The following CDH18 variants were observed in gnomAD, a reference collection of about 807,000 sequenced individuals.
CDH18 encodes the protein cadherin 18.
A neutral mutation model predicts 67.9 loss-of-function variants in CDH18; 31 were observed. That is an observed-to-expected ratio of 0.46 (90% CI 0.34 to 0.62). The LOEUF is 0.62. Among genes scored for constraint, CDH18 ranks in the 20% least tolerant of loss-of-function variants. The pLI is 0.01. For missense variants in CDH18, 890 were observed against 975.5 expected (o/e 0.91, Z 1.17); for synonymous variants, 362 against 347.2 (o/e 1.04, Z -0.48).
chr5:20,495,462 G>A (rs1039333496), intron 1 of CDH18, among the ~76,000 whole-genome samples: 1 of 152,090 alleles, frequency 6.6e-6, no homozygotes, highest in African/African-American at 2.4e-5. Flanking sequence ...AAATGATAAT[G>A]CTATAGTAAT....
At chr5:19,829,894 C>T (rs1449232847) in intron 3 of CDH18, among the ~76,000 whole-genome samples, 1 of 152,008 alleles carries the variant, frequency 6.6e-6, no homozygotes, top group African/African-American at 2.4e-5. Context: ...ACATACCTAC[C>T]AACATCTGAC....
chr5:20,056,139 G>A (rs1741888336), intron 2 of CDH18, among the ~76,000 whole-genome samples: 2 of 150,646 alleles, frequency 1.3e-5, no homozygotes, highest in African/African-American at 2.4e-5. Context: ...CTAGTAGCTG[G>A]AACTACAGGC....
rs189297240 is a variant in CDH18 at position 19,487,304 on chromosome 5, A to T, written c.1631-3752T>A. On this transcript the variant is annotated intron_variant, in intron 11 of 12. Coordinates refer to ENST00000382275, the MANE Select transcript of CDH18 (RefSeq NM_004934.5). ...TCTACAGAGCTGTCAAACAAGCTAAACAATCTGAGAGCATTCAATAAAGAT... is the reference window on the plus strand; with the variant it reads ...TCTACAGAGCTGTCAAACAAGCTAATCAATCTGAGAGCATTCAATAAAGAT... 2.8e-4 allele frequency among the ~76,000 whole-genome samples: 42 copies of T among 152,318 alleles called. No individual in the cohort carries two copies. The East Asian group carries it at 6.9e-3, about 25-fold the overall frequency.
intron 1 of CDH18, among the ~76,000 whole-genome samples, chr5:20,478,685 C>G (rs1413997729): frequency 6.6e-6 from 1 of 151,952 alleles, no homozygotes; most frequent in Non-Finnish European, 1.5e-5. Flanking sequence ...AGCTCACCAC[C>G]CTGAAGGGTA....
chr5:19,721,254 T>C, intron 5 of CDH18, 93 bp downstream of exon 5: 2 of 1,164,980 alleles, frequency 1.7e-6, no homozygotes, highest in South Asian at 2.1e-5. Flanking sequence ...AATCACATCA[T>C]CTAATGGAAA....
intron 1 of CDH18, among the ~76,000 whole-genome samples, chr5:20,410,950 A>T (rs1359896990): frequency 6.6e-6 from 1 of 151,998 alleles, no homozygotes; most frequent in Non-Finnish European, 1.5e-5. Flanking sequence ...GATGAAAGAA[A>T]TTAAAGATGA....
chr5:19,782,949 T>A (rs1333711060), intron 3 of CDH18, among the ~76,000 whole-genome samples: 1 of 152,346 alleles, frequency 6.6e-6, no homozygotes, highest in Non-Finnish European at 1.5e-5. Context: ...TATTTGTGGA[T>A]ATAAAGTATT....
chr5:20,522,624 T>A lies in CDH18; in HGVS notation c.-580+52838A>T, dbSNP rs553760772. ...TTAATGTGAGGCAGTAGTAGAGACA[T>A]CTGAAATGTTAGCTCCCTTCCTAAA... On this transcript the variant is annotated intron_variant, in intron 1 of 14. Transcript: ENST00000507958. Among the ~76,000 whole-genome samples the A allele has an allele frequency of 5.3e-5, 8 of 152,282 alleles. No individual in the cohort carries two copies. The South Asian group carries it at 1.5e-3, about 28-fold the overall frequency.
At chr5:20,324,514 C>G (rs1469008741) in intron 1 of CDH18, among the ~76,000 whole-genome samples, 1 of 151,512 alleles carries the variant, frequency 6.6e-6, no homozygotes, top group Non-Finnish European at 1.5e-5. Flanking sequence ...GCACTCCAGC[C>G]TGGGCAACAG....
At chr5:19,601,537 A>G (rs1464617759) in intron 6 of CDH18, among the ~76,000 whole-genome samples, 1 of 152,140 alleles carries the variant, frequency 6.6e-6, no homozygotes, top group Non-Finnish European at 1.5e-5. Flanking sequence ...TTAAAGGAGA[A>G]TTAACACAAA....
At chr5:20,554,181 T>C (rs1314668774) in intron 1 of CDH18, among the ~76,000 whole-genome samples, 2 of 152,190 alleles carry the variant, frequency 1.3e-5, no homozygotes, top group Admixed American at 6.5e-5. Context: ...AGTCAGACAG[T>C]TCTGGTCACA....
Position 20,410,694 on chromosome 5 carries a change from GA to G in CDH18, c.-579-155190del, listed in dbSNP as rs559744737. ...AAAGGAATAACAGGCATCCAAATTA[GA>G]AAAAAAATATATAAAATTTTCTTTG... On this transcript the variant is annotated intron_variant, in intron 1 of 14. Coordinates refer to the CDH18 transcript ENST00000507958. 4.8e-4 allele frequency among the ~76,000 whole-genome samples: 72 copies of G among 150,496 alleles called. 1 individual carries two copies. The highest frequency in any genetic ancestry group is 1.6e-3 in the African/African-American group (66 of 41,186).
At chr5:19,659,983 T>C (rs1021936284) in intron 5 of CDH18, among the ~76,000 whole-genome samples, 5 of 152,104 alleles carry the variant, frequency 3.3e-5, no homozygotes, top group African/African-American at 7.2e-5. Flanking sequence ...TTAAAAGAAT[T>C]TGAGAATCTT....
intron 3 of CDH18, among the ~76,000 whole-genome samples, chr5:19,804,676 G>C (rs578040719): frequency 1.3e-5 from 2 of 152,256 alleles, no homozygotes; most frequent in South Asian, 4.1e-4. Context: ...AAACAGATAA[G>C]AGATCAGGAT....
At chr5:20,140,845 T>A (rs939736642) in intron 2 of CDH18, among the ~76,000 whole-genome samples, 50 of 152,288 alleles carry the variant, frequency 3.3e-4, no homozygotes, top group African/African-American at 1.1e-3. Flanking sequence ...CTCATTTTAC[T>A]TATCTCCCTG....
chr5:19,638,655 C>A (rs893270112), intron 5 of CDH18, among the ~76,000 whole-genome samples: 3 of 151,620 alleles, frequency 2.0e-5, no homozygotes, highest in African/African-American at 4.9e-5. Context: ...CCTTCCCCCC[C>A]CGCGCCCCAC....
intron 5 of CDH18, among the ~76,000 whole-genome samples, chr5:19,629,056 G>T (rs984763297): frequency 1.3e-5 from 2 of 152,206 alleles, no homozygotes; most frequent in Admixed American, 6.5e-5. Context: ...GAGGAATGGA[G>T]TCAGAGACAT....
intron 3 of CDH18, among the ~76,000 whole-genome samples, chr5:19,763,528 T>C (rs1023717932): frequency 6.6e-6 from 1 of 152,140 alleles, no homozygotes; most frequent in Non-Finnish European, 1.5e-5. Context: ...AGAACTCAAT[T>C]TGAGGCATGC....
chr5:20,137,290 C>CT (rs1246821649), intron 2 of CDH18, among the ~76,000 whole-genome samples: 1 of 152,070 alleles, frequency 6.6e-6, no homozygotes, highest in East Asian at 1.9e-4. Context: ...TCTTTTTACT[C>CT]TTTTTTCTCT....
Sources: gnomAD v4.1 joint callset for allele counts (sites outside exome capture counted in the v4.1 genomes callset) on GRCh38, gnomAD v4.1.1 for gene constraint, MANE v1.5 for transcripts, NCBI Gene and HGNC (gene_info 2026-07-23, HGNC 2026-07-21) for gene names.